The following CCSER1 variants were observed in gnomAD, a reference collection of about 807,000 sequenced individuals.
CCSER1 encodes the protein serine-rich coiled-coil domain-containing protein 1.
A neutral mutation model predicts 82.0 loss-of-function variants in CCSER1; 41 were observed. The observed-to-expected ratio is 0.50, with a 90% CI of 0.39 to 0.65. The LOEUF is 0.65. CCSER1 is among the 30% of genes least tolerant of loss of function. CCSER1 has a pLI of 0.00. For synonymous variants in CCSER1, 414 were observed against 383.9 expected (o/e 1.08, Z -0.92); for missense variants, 1,119 against 1,064.2 (o/e 1.05, Z -0.72).
chr4:90,687,771 A>G (rs1377273210), intron 6 of CCSER1, among the ~76,000 whole-genome samples: 2 of 152,144 alleles, frequency 1.3e-5, no homozygotes, highest in Non-Finnish European at 2.9e-5. Flanking sequence ...AAAGGAAGGA[A>G]GAGAAGGAAG....
chr4:90,663,930 A>AG (rs1380113772), intron 6 of CCSER1: 4 of 297,904 alleles, frequency 1.3e-5, no homozygotes, highest in African/African-American at 8.7e-5. Context: ...GCTAATGCTT[A>AG]AGAATGTAAG....
chr4:91,466,188 G>T (rs906619192), intron 10 of CCSER1, among the ~76,000 whole-genome samples: 8 of 152,278 alleles, frequency 5.3e-5, no homozygotes, highest in East Asian at 1.9e-4. Context: ...GGGATGCAAG[G>T]CTGGTTCAAC....
At chr4:91,408,176 A>G (rs1752815154) in intron 10 of CCSER1, among the ~76,000 whole-genome samples, 1 of 152,238 alleles carries the variant, frequency 6.6e-6, no homozygotes, top group South Asian at 2.1e-4. Flanking sequence ...GATGACATCA[A>G]AATTGAAATG....
At chr4:90,958,547 G>T (rs1318414902) in intron 9 of CCSER1, among the ~76,000 whole-genome samples, 2 of 151,912 alleles carry the variant, frequency 1.3e-5, no homozygotes, top group Non-Finnish European at 2.9e-5. Context: ...TTTGGGTCGA[G>T]AAGGCTGCAT....
intron 6 of CCSER1, among the ~76,000 whole-genome samples, chr4:90,696,385 T>C (rs1736996884): frequency 7.2e-6 from 1 of 138,318 alleles, no homozygotes; most frequent in Admixed American, 7.1e-5. Context: ...GTTAAAATAA[T>C]GAGAAACTGG....
intron 5 of CCSER1, among the ~76,000 whole-genome samples, chr4:90,482,512 G>T (rs1242784300): frequency 6.6e-6 from 1 of 152,178 alleles, no homozygotes; most frequent in Non-Finnish European, 1.5e-5. Flanking sequence ...GGCATTTAGT[G>T]CTATACATTT....
chr4:91,188,901 C>T (rs1178230329), intron 10 of CCSER1, among the ~76,000 whole-genome samples: 2 of 151,828 alleles, frequency 1.3e-5, no homozygotes, highest in Non-Finnish European at 2.9e-5. Context: ...TATATGTCCT[C>T]CAGAAAGAAA....
At position 90,881,510 on chromosome 4, in the gene CCSER1, A is replaced by G. The variant is rs753835955; in HGVS notation, c.2095-41860A>G. Among the ~76,000 whole-genome samples the G allele has an allele frequency of 1.6e-4, 25 of 152,134 alleles. 1 individual carries two copies. Among genetic ancestry groups the G allele is most frequent in the African/African-American group, 2.4e-5 (1 of 41,438 alleles). On this transcript the variant is annotated intron_variant, in intron 8 of 10. Coordinates refer to ENST00000509176, the MANE Select transcript of CCSER1 (RefSeq NM_001145065.2). The stretch of plus-strand genomic sequence containing the variant: ...CACACTGCCAGATGTGGTGGCTTGC[A>G]CCTGTAATCCCAGCACTTTAGGAGG...
rs1042304302 is a variant in CCSER1, at chr4:90,729,634, G to T, written c.2010+5643G>T. Among the ~76,000 whole-genome samples, 3 of 152,288 alleles carry T rather than the reference G, an allele frequency of 2.0e-5. 1 individual carries two copies. The South Asian group carries it at 6.2e-4, about 32-fold the overall frequency. ...CTCACGCCTGTAATCCCAGCACTTT[G>T]GGAGGCTGAGGCGGTTGGATCACAA... On this transcript the variant is annotated intron_variant, in intron 7 of 10. Coordinates refer to ENST00000509176, the MANE Select transcript of CCSER1 (RefSeq NM_001145065.2).
At chr4:90,642,846 C>T (rs1436345764) in intron 6 of CCSER1, among the ~76,000 whole-genome samples, 1 of 151,336 alleles carries the variant, frequency 6.6e-6, no homozygotes, top group African/African-American at 2.4e-5. Context: ...CAAAGCAAGA[C>T]CCTGTCTCAA....
chr4:90,868,392 A>T (rs1766010480), intron 8 of CCSER1, among the ~76,000 whole-genome samples: 1 of 151,690 alleles, frequency 6.6e-6, no homozygotes, highest in Non-Finnish European at 1.5e-5. Flanking sequence ...CCTACTCTCT[A>T]TCTCGATGAG....
At chr4:91,469,614 T>G (rs1757150022) in intron 10 of CCSER1, among the ~76,000 whole-genome samples, 1 of 152,140 alleles carries the variant, frequency 6.6e-6, no homozygotes, top group Admixed American at 6.5e-5. Context: ...CCTGGAGAAC[T>G]TCCCTAGGTT....
intron 9 of CCSER1, among the ~76,000 whole-genome samples, chr4:91,057,992 C>T (rs1381754676): frequency 1.3e-5 from 2 of 152,074 alleles, no homozygotes; most frequent in Admixed American, 1.3e-4. Flanking sequence ...CTCTTTTCTG[C>T]TTTATGTCAA....
At chr4:91,425,538 G>T (rs1297248308) in intron 10 of CCSER1, among the ~76,000 whole-genome samples, 1 of 152,058 alleles carries the variant, frequency 6.6e-6, no homozygotes, top group Non-Finnish European at 1.5e-5. Flanking sequence ...TAAATGTGTT[G>T]CTATATTACC....
chr4:91,251,395 C>A, intron 10 of CCSER1, among the ~76,000 whole-genome samples: 1 of 152,062 alleles, frequency 6.6e-6, no homozygotes, highest in East Asian at 1.9e-4. Context: ...CTCCAAATAC[C>A]AAAACACTAG....
intron 8 of CCSER1, among the ~76,000 whole-genome samples, chr4:90,887,983 A>C (rs1722404785): frequency 1.3e-5 from 2 of 152,192 alleles, no homozygotes; most frequent in South Asian, 4.1e-4. Context: ...AAAAGCAAAA[A>C]TGTAGTGGGT....
rs149377687 is a variant in CCSER1 at position 90,524,655 on chromosome 4, G to A, written c.1724+56301G>A. On this transcript the variant is annotated intron_variant, in intron 5 of 10. Coordinates refer to ENST00000509176, the MANE Select transcript of CCSER1 (RefSeq NM_001145065.2). ...AGCTAATTTTTGTATTTTTAGTAGA[G>A]ACAGGGTTTCACCATGTTGGCCAGG... 5.1e-3 allele frequency among the ~76,000 whole-genome samples: 780 copies of A among 152,180 alleles called. 4 individuals are homozygous for A. The highest frequency in any genetic ancestry group is 9.0e-3 in the Non-Finnish European group (610 of 68,002).
At chr4:91,428,670 A>C (rs1754125428) in intron 10 of CCSER1, among the ~76,000 whole-genome samples, 1 of 152,032 alleles carries the variant, frequency 6.6e-6, no homozygotes, top group Non-Finnish European at 1.5e-5. Context: ...GTGTGTAATT[A>C]TGAATAATAT....
intron 1 of CCSER1, among the ~76,000 whole-genome samples, chr4:90,241,271 T>C (rs1330466956): frequency 6.6e-6 from 1 of 152,206 alleles, no homozygotes; most frequent in Non-Finnish European, 1.5e-5. Flanking sequence ...ATCATTTACT[T>C]TCATGTTCAT....
Sources: gnomAD v4.1 joint callset for allele counts (sites outside exome capture counted in the v4.1 genomes callset) on GRCh38, gnomAD v4.1.1 for gene constraint, MANE v1.5 for transcripts, NCBI Gene and HGNC (gene_info 2026-07-23, HGNC 2026-07-21) for gene names.